IL1R1: variants seen among roughly 807,000 people sequenced by gnomAD.
IL1R1 encodes the protein interleukin 1 receptor type 1, also known as interleukin-1 receptor type 1.
In IL1R1, 22 loss-of-function variants were observed where a neutral mutation model predicts 50.2. The ratio of observed to expected loss-of-function variants is 0.44; its 90% confidence interval spans 0.31 to 0.63. The LOEUF (loss-of-function observed/expected upper bound fraction) is 0.63. IL1R1 is among the 20% of genes least tolerant of loss of function. IL1R1 has a pLI of 0.07. For synonymous variants in IL1R1, 251 were observed against 236.7 expected (o/e 1.06, Z -0.55); for missense variants, 509 against 676.2 (o/e 0.75, Z 2.74).
At chr2:102,109,290 G>A (rs1680608196) in intron 1 of IL1R1, among the ~76,000 whole-genome samples, 1 of 152,094 alleles carries the variant, frequency 6.6e-6, no homozygotes, top group African/African-American at 2.4e-5. Context: ...CATTTATTGA[G>A]TCACCTACTA....
intron 1 of IL1R1, among the ~76,000 whole-genome samples, chr2:102,147,819 T>G (rs1683290830): frequency 6.6e-6 from 1 of 152,236 alleles, no homozygotes. Flanking sequence ...AGCTGAATAA[T>G]TGAGATTTCA....
In IL1R1 at chr2:102,174,598, C is replaced by A; in HGVS notation, c.1003C>A (p.Gln335Lys). ...IQLIYPVTNF[Q>K]KHMIGICVTL... ...TCTTTTTGCTATAGTCACTAATTTC[C>A]AGAAGCACATGATTGGTATATGTGT... The change falls in exon 10 of 12, where the codon CAG becomes AAG. Residue 335 changes from glutamine (Q) to lysine (K), a missense_variant. Transcript: ENST00000410023. 1 of 1,565,538 alleles carries A rather than the reference C, an allele frequency of 6.4e-7. No homozygotes were observed. The highest frequency in any genetic ancestry group is 1.2e-5 in the South Asian group (1 of 81,472).
chr2:102,109,751 G>C (rs1286312946), intron 1 of IL1R1, among the ~76,000 whole-genome samples: 1 of 152,126 alleles, frequency 6.6e-6, no homozygotes, highest in South Asian at 2.1e-4. Flanking sequence ...GACTCGATGG[G>C]CGTTTAAAAT....
chr2:102,115,216 C>T (rs948889444), intron 1 of IL1R1, among the ~76,000 whole-genome samples: 87 of 152,060 alleles, frequency 5.7e-4, no homozygotes, highest in African/African-American at 2.0e-3. Context: ...ACCACTGACC[C>T]GAGAAGTAGA....
Position 102,179,427 on chromosome 2 carries a change from A to C in IL1R1, c.*2668A>C, listed in dbSNP as rs1030607774. ...GGGTTGAATTCTGGAGGAAGAAGAC[A>C]CATTCCTAGTTCCCCGTGAACTTCC... On this transcript the variant is annotated 3_prime_UTR_variant, in exon 12 of 12. Coordinates refer to ENST00000410023, the MANE Select transcript of IL1R1 (RefSeq NM_000877.4). 1.4e-4 allele frequency: 22 copies of C among 152,380 alleles called. No homozygotes were observed. 9.4% of individuals were successfully genotyped at this position (152,380 alleles called of 1,614,324 possible).
intron 10 of IL1R1, among the ~76,000 whole-genome samples, chr2:102,175,242 T>C (rs1223589420): frequency 6.6e-6 from 1 of 151,782 alleles, no homozygotes; most frequent in Non-Finnish European, 1.5e-5. Context: ...ATACTAAGAG[T>C]ATACGAGGCA....
At chr2:102,124,371 G>T (rs558121655) in intron 1 of IL1R1, among the ~76,000 whole-genome samples, 1 of 152,062 alleles carries the variant, frequency 6.6e-6, no homozygotes, top group East Asian at 1.9e-4. Flanking sequence ...AGTGAGCTGA[G>T]ATTGCGCCAC....
intron 7 of IL1R1, among the ~76,000 whole-genome samples, chr2:102,170,369 T>TA (rs879664695): frequency 1.3e-5 from 2 of 152,234 alleles, no homozygotes; most frequent in African/African-American, 4.8e-5. Flanking sequence ...GATGCCCATG[T>TA]AACCACTATT....
At chr2:102,089,194 A>G (rs141054095) in intron 1 of IL1R1, among the ~76,000 whole-genome samples, 3,206 of 152,306 alleles carry the variant, frequency 0.021, 119 homozygotes, top group African/African-American at 0.073. Context: ...AACATGCCTA[A>G]GCTTCATCAT....
At chr2:102,102,473 A>C (rs1482944439), upstream of IL1R1, among the ~76,000 whole-genome samples, 1 of 152,158 alleles carries the variant, frequency 6.6e-6, no homozygotes, top group Non-Finnish European at 1.5e-5. Flanking sequence ...ATCTCACACC[A>C]GTCAAAATGG....
chr2:102,166,944 A>G (rs895200768), intron 6 of IL1R1, among the ~76,000 whole-genome samples: 1 of 152,236 alleles, frequency 6.6e-6, no homozygotes, highest in Non-Finnish European at 1.5e-5. Context: ...ACCATGTTTC[A>G]TATTGAAAAC....
chr2:102,147,876 TC>T (rs1216470389), intron 1 of IL1R1, among the ~76,000 whole-genome samples: 4 of 152,242 alleles, frequency 2.6e-5, no homozygotes, highest in Non-Finnish European at 5.9e-5. Flanking sequence ...TATCTTCATA[TC>T]CTTGTGCATC....
At chr2:102,107,581 T>C (rs188449432) in intron 1 of IL1R1, among the ~76,000 whole-genome samples, 95 of 152,208 alleles carry the variant, frequency 6.2e-4, no homozygotes, top group African/African-American at 2.2e-3. Flanking sequence ...ACATGGCACA[T>C]GTATACATAT....
intron 5 of IL1R1, among the ~76,000 whole-genome samples, chr2:102,165,713 C>T (rs889335159): frequency 1.9e-4 from 29 of 152,110 alleles, no homozygotes; most frequent in Admixed American, 1.6e-3. Flanking sequence ...ATGGAACACC[C>T]CATGTTTTGG....
chr2:102,155,280 G>A (rs989852940), intron 2 of IL1R1, among the ~76,000 whole-genome samples: 1 of 152,186 alleles, frequency 6.6e-6, no homozygotes, highest in African/African-American at 2.4e-5. Context: ...CCCACATAGC[G>A]CCATCAATGA....
Position 102,176,589 on chromosome 2 carries a change from C to T in IL1R1, c.1540C>T (p.Arg514Cys), listed in dbSNP as rs201410299. ...KFIKQKHGAI[R>C]WSGDFTQGPQ... ...CATTAAGCAGAAACATGGGGCTATC[C>T]GCTGGTCAGGGGACTTTACACAGGG... The change falls in exon 12 of 12, where the codon CGC becomes TGC. Residue 514 changes from arginine to cysteine, a missense_variant. Physicochemically the swap from Arg to Cys is radical, Grantham distance 180 (BLOSUM62 -3). Coordinates refer to ENST00000410023, the MANE Select transcript of IL1R1 (RefSeq NM_000877.4). The T allele has an allele frequency of 2.5e-5, 41 of 1,614,016 alleles. No individual in the cohort carries two copies. In the East Asian group the frequency reaches 3.8e-4, roughly 15 times the overall value.
At chr2:102,159,040 G>T (rs886794588) in intron 3 of IL1R1, among the ~76,000 whole-genome samples, 4 of 152,184 alleles carry the variant, frequency 2.6e-5, no homozygotes, top group Non-Finnish European at 4.4e-5. Flanking sequence ...ATTATCTCAG[G>T]GAATTTTGGC....
At chr2:102,159,050 C>T (rs1049087439) in intron 3 of IL1R1, among the ~76,000 whole-genome samples, 2 of 152,162 alleles carry the variant, frequency 1.3e-5, no homozygotes, top group African/African-American at 4.8e-5. Context: ...GGAATTTTGG[C>T]CTGCGCAAAC....
intron 1 of IL1R1, among the ~76,000 whole-genome samples, chr2:102,089,676 G>A (rs746159397): frequency 5.3e-5 from 8 of 152,122 alleles, no homozygotes; most frequent in Non-Finnish European, 7.4e-5. Flanking sequence ...TTTGTACCTC[G>A]TTGTCTTCTA....
Sources: gnomAD v4.1 joint callset for allele counts (sites outside exome capture counted in the v4.1 genomes callset) on GRCh38, gnomAD v4.1.1 for gene constraint, MANE v1.5 for transcripts, NCBI Gene and HGNC (gene_info 2026-07-23, HGNC 2026-07-21) for gene names.